SLC25A21: variants seen among roughly 807,000 people sequenced by gnomAD.
SLC25A21 encodes the protein mitochondrial 2-oxodicarboxylate carrier.
Under a neutral mutation model 43.8 loss-of-function variants are expected in SLC25A21, and 47 were observed. The ratio of observed to expected loss-of-function variants is 1.07; its 90% CI spans 0.85 to 1.37. The LOEUF is 1.37. SLC25A21 is among the 40% of genes most tolerant of loss of function. The probability of loss-of-function intolerance (pLI) is 0.00; values close to 1 mark genes in which losing one functional copy is unlikely to be tolerated. For missense variants in SLC25A21, 352 were observed against 350.2 expected, an observed-to-expected ratio of 1.00 and a Z score of -0.04; for synonymous variants, 131 against 121.3, an observed-to-expected ratio of 1.08 and a Z score of -0.52.
In SLC25A21 at chr14:36,684,826, T is replaced by C; in HGVS notation, c.703A>G (p.Ile235Val). Reference protein sequence around the residue: ...NIPFDVAKSRIQGPQPVPGEI... With the variant: ...NIPFDVAKSRVQGPQPVPGEI... ...CCAGGAACTGGTTGAGGCCCTTGAA[T>C]CCTACTTTTGGCAACATCAAAAGGG... Residue 235 changes from isoleucine to valine, a missense_variant, in exon 8 of 10, where the codon ATT becomes GTT. Coordinates refer to ENST00000331299, the MANE Select transcript of SLC25A21 (RefSeq NM_030631.4). 8 of 1,614,094 alleles carry C rather than the reference T, an allele frequency of 5.0e-6. No individual in the cohort carries two copies. Among genetic ancestry groups the C allele is most frequent in the Non-Finnish European group, 6.8e-6 (8 of 1,179,996 alleles).
chr14:37,095,143 T>A (rs900415244), intron 1 of SLC25A21, among the ~76,000 whole-genome samples: 2 of 152,242 alleles, frequency 1.3e-5, no homozygotes, highest in African/African-American at 2.4e-5. Flanking sequence ...GGGAATTTTG[T>A]CTGTTTTGAT....
At chr14:36,883,208 C>T (rs1162268910) in intron 1 of SLC25A21, among the ~76,000 whole-genome samples, 1 of 152,186 alleles carries the variant, frequency 6.6e-6, no homozygotes. Flanking sequence ...TTACTCCTCT[C>T]ACCTGCTGTC....
At chr14:36,710,556 G>A (rs1213204475) in intron 7 of SLC25A21, among the ~76,000 whole-genome samples, 1 of 151,926 alleles carries the variant, frequency 6.6e-6, no homozygotes. Flanking sequence ...TCAGCCTCCC[G>A]AGTAGCTTCA....
intron 1 of SLC25A21, among the ~76,000 whole-genome samples, chr14:36,983,827 A>AT (rs1960085087): frequency 6.6e-6 from 1 of 152,188 alleles, no homozygotes; most frequent in African/African-American, 2.4e-5. Flanking sequence ...GAATGGAATC[A>AT]TATCCTTTGC....
At chr14:37,001,995 T>C (rs773706762) in intron 1 of SLC25A21, among the ~76,000 whole-genome samples, 4 of 152,172 alleles carry the variant, frequency 2.6e-5, no homozygotes, top group East Asian at 3.9e-4. Flanking sequence ...TAGTAAGTGA[T>C]ATAAAATATT....
chr14:36,957,166 T>C (rs900274944), intron 1 of SLC25A21, among the ~76,000 whole-genome samples: 2 of 152,188 alleles, frequency 1.3e-5, no homozygotes, highest in Admixed American at 1.3e-4. Context: ...TCCAAAGTCA[T>C]TTTCCCCCTG....
At chr14:37,029,480 C>A (rs1275561143) in intron 1 of SLC25A21, among the ~76,000 whole-genome samples, 3 of 152,132 alleles carry the variant, frequency 2.0e-5, no homozygotes, top group Non-Finnish European at 4.4e-5. Context: ...ATACTCAGTG[C>A]CACTTAAACA....
intron 3 of SLC25A21, among the ~76,000 whole-genome samples, chr14:36,812,211 C>T (rs1888294576): frequency 6.6e-6 from 1 of 151,946 alleles, no homozygotes; most frequent in African/African-American, 2.4e-5. Context: ...TTGTGTTTTT[C>T]ATCTGTCAGA....
intron 1 of SLC25A21, among the ~76,000 whole-genome samples, chr14:36,946,252 A>G (rs1892676841): frequency 6.6e-6 from 1 of 152,152 alleles, no homozygotes; most frequent in South Asian, 2.1e-4. Flanking sequence ...ACAATGTTAA[A>G]AGCTTTAAAG....
intron 1 of SLC25A21, among the ~76,000 whole-genome samples, chr14:37,059,609 A>G (rs1026639366): frequency 6.6e-6 from 1 of 152,218 alleles, no homozygotes; most frequent in Non-Finnish European, 1.5e-5. Context: ...AAACAAACAA[A>G]CAACAACAAA....
intron 3 of SLC25A21, among the ~76,000 whole-genome samples, chr14:36,798,635 G>A (rs1887756702): frequency 6.6e-6 from 1 of 151,632 alleles, no homozygotes; most frequent in Non-Finnish European, 1.5e-5. Context: ...CCGTTTGCTT[G>A]CTGGGTCATA....
intron 2 of SLC25A21, among the ~76,000 whole-genome samples, chr14:36,844,006 C>T (rs1387219291): frequency 1.3e-5 from 2 of 152,164 alleles, no homozygotes; most frequent in Admixed American, 6.5e-5. Context: ...CCCCAAAATG[C>T]TTCCTTACCA....
At chr14:37,030,567 G>A (rs1365763390) in intron 1 of SLC25A21, among the ~76,000 whole-genome samples, 2 of 152,090 alleles carry the variant, frequency 1.3e-5, no homozygotes, top group Non-Finnish European at 2.9e-5. Context: ...TTCTGGATTA[G>A]CCTCCTAAGA....
intron 2 of SLC25A21, among the ~76,000 whole-genome samples, chr14:36,822,805 A>C (rs1888681525): frequency 6.6e-6 from 1 of 152,236 alleles, no homozygotes; most frequent in Admixed American, 6.5e-5. Flanking sequence ...AGTTCCTTTC[A>C]CAAGCCAAGG....
chr14:37,079,693 C>T lies in SLC25A21; in HGVS notation c.70+92588G>A, dbSNP rs554832236. 5.3e-5 allele frequency among the ~76,000 whole-genome samples: 8 copies of T among 152,294 alleles called. No homozygotes were observed. In the South Asian group the frequency reaches 1.7e-3, roughly 32 times the overall value. ...TGCCTCCTGCTCAGACCAAAGATTTCGCTTGCTCTTCCAGTCACACTGAGC... is the reference window on the plus strand; with the variant it reads ...TGCCTCCTGCTCAGACCAAAGATTTTGCTTGCTCTTCCAGTCACACTGAGC... On this transcript the variant is annotated intron_variant, in intron 1 of 9. Coordinates refer to ENST00000331299, the MANE Select transcript of SLC25A21 (RefSeq NM_030631.4).
At chr14:36,907,539 A>T (rs113677272) in intron 1 of SLC25A21, among the ~76,000 whole-genome samples, 2,421 of 152,280 alleles carry the variant, frequency 0.016, 62 homozygotes, top group African/African-American at 0.054. Context: ...CAAACGTACT[A>T]AAAATACATT....
chr14:36,746,552 C>A (rs1435368379), intron 3 of SLC25A21, among the ~76,000 whole-genome samples: 1 of 152,110 alleles, frequency 6.6e-6, no homozygotes, highest in Non-Finnish European at 1.5e-5. Flanking sequence ...TACTAGTATG[C>A]AATATATCCA....
intron 1 of SLC25A21, among the ~76,000 whole-genome samples, chr14:37,039,289 T>C (rs1208781253): frequency 6.6e-6 from 1 of 152,214 alleles, no homozygotes; most frequent in Non-Finnish European, 1.5e-5. Context: ...AGACTGCATA[T>C]ATTTGAAACA....
intron 1 of SLC25A21, among the ~76,000 whole-genome samples, chr14:37,006,900 T>C (rs1960616519): frequency 6.6e-6 from 1 of 152,208 alleles, no homozygotes; most frequent in Non-Finnish European, 1.5e-5. Context: ...GCTAAGTTAC[T>C]ACTCACCCTA....
Sources: gnomAD v4.1 joint callset for allele counts (sites outside exome capture counted in the v4.1 genomes callset) on GRCh38, gnomAD v4.1.1 for gene constraint, MANE v1.5 for transcripts, NCBI Gene and HGNC (gene_info 2026-07-23, HGNC 2026-07-21) for gene names.